Variants in GAS7 observed in about 807,000 individuals in gnomAD.
GAS7 encodes the protein growth arrest-specific protein 7.
In GAS7, 28 loss-of-function variants were observed where a neutral mutation model predicts 71.1. The ratio of observed to expected loss-of-function variants is 0.39; its 90% CI spans 0.29 to 0.54. The LOEUF (loss-of-function observed/expected upper bound fraction) is 0.54. Among genes scored for constraint, GAS7 ranks in the 20% least tolerant of loss-of-function variants. The probability of loss-of-function intolerance (pLI) is 0.62; values close to 1 mark genes in which losing one functional copy is unlikely to be tolerated. For synonymous variants in GAS7, 258 were observed against 245.8 expected (o/e 1.05, Z -0.46); for missense variants, 436 against 627.8 (o/e 0.69, Z 3.27).
intron 5 of GAS7, among the ~76,000 whole-genome samples, chr17:9,957,566 C>T (rs1178179884): frequency 1.3e-5 from 2 of 152,132 alleles, no homozygotes; most frequent in Non-Finnish European, 2.9e-5. Flanking sequence ...ATATGTCTCC[C>T]ACTCCGACCT....
intron 2 of GAS7, among the ~76,000 whole-genome samples, chr17:10,011,228 TTGG>T (rs2071759417): frequency 6.6e-6 from 1 of 152,204 alleles, no homozygotes; most frequent in African/African-American, 2.4e-5. Context: ...TCTGTTTTGC[TTGG>T]TACCTCACTC....
At chr17:10,133,832 T>G (rs2074017944) in intron 1 of GAS7, among the ~76,000 whole-genome samples, 1 of 152,106 alleles carries the variant, frequency 6.6e-6, no homozygotes, top group Non-Finnish European at 1.5e-5. Context: ...TCACTTTGCA[T>G]AATGTCCTCT....
intron 1 of GAS7, among the ~76,000 whole-genome samples, chr17:10,104,266 C>A (rs2073736933): frequency 6.6e-6 from 1 of 152,180 alleles, no homozygotes; most frequent in South Asian, 2.1e-4. Flanking sequence ...GTTGGCCAGC[C>A]AGCAACATTC....
chr17:10,021,588 G>A (rs74369715), intron 1 of GAS7, among the ~76,000 whole-genome samples: 1,757 of 152,284 alleles, frequency 0.012, 14 homozygotes, highest in Non-Finnish European at 0.017. Flanking sequence ...TGCAGTGCCC[G>A]TTTGATTCCG....
At chr17:10,083,485 C>T (rs2073479920) in intron 1 of GAS7, among the ~76,000 whole-genome samples, 1 of 152,228 alleles carries the variant, frequency 6.6e-6, no homozygotes, top group South Asian at 2.1e-4. Flanking sequence ...TGCCAGAGGC[C>T]TTGCCCAGGG....
rs559931071 is a variant in GAS7, at chr17:10,117,592, T to C, written c.183+80616A>G. On this transcript the variant is annotated intron_variant, in intron 1 of 13. Coordinates refer to ENST00000432992, the MANE Select transcript of GAS7 (RefSeq NM_201433.2). Reference sequence around the variant, plus strand: ...GCAGGTGCTGAGGTCAGGACAGCAATGGGGACCCAATTATGTAGCACCTCA... The same window carrying C: ...GCAGGTGCTGAGGTCAGGACAGCAACGGGGACCCAATTATGTAGCACCTCA... 2.0e-5 allele frequency among the ~76,000 whole-genome samples: 3 copies of C among 152,178 alleles called. 1 individual carries two copies. Among genetic ancestry groups the C allele is most frequent in the Admixed American group, 1.3e-4 (2 of 15,282 alleles).
chr17:9,931,430 G>A (rs1286016848), intron 9 of GAS7, among the ~76,000 whole-genome samples: 1 of 152,068 alleles, frequency 6.6e-6, no homozygotes, highest in African/African-American at 2.4e-5. Flanking sequence ...GGACCCAGCA[G>A]GTGACCTTTC....
intron 1 of GAS7, among the ~76,000 whole-genome samples, chr17:10,069,664 A>AC (rs144877798): frequency 1.0e-3 from 159 of 152,312 alleles, no homozygotes; most frequent in African/African-American, 3.7e-3. Flanking sequence ...TGAACCTCCC[A>AC]CACCCAGTAT....
At chr17:10,015,159 A>AAAAG (rs2071942929) in intron 2 of GAS7, among the ~76,000 whole-genome samples, 1 of 146,886 alleles carries the variant, frequency 6.8e-6, no homozygotes, top group East Asian at 1.9e-4. Flanking sequence ...GTCTCAAAAA[A>AAAAG]AAAAGAAAAG....
intron 11 of GAS7, among the ~76,000 whole-genome samples, chr17:9,922,196 A>T (rs11871850): frequency 1.0e-4 from 10 of 100,284 alleles, no homozygotes; most frequent in South Asian, 7.5e-4. Flanking sequence ...GTGGTGATGA[A>T]GATGATGATG....
intron 2 of GAS7, among the ~76,000 whole-genome samples, chr17:10,011,572 CT>C (rs769761598): frequency 7.1e-4 from 108 of 152,286 alleles, no homozygotes; most frequent in Non-Finnish European, 1.3e-3. Flanking sequence ...TTTGGCTTTC[CT>C]TCCCTTGCAT....
At chr17:9,940,826 G>A (rs2068576965) in intron 7 of GAS7, among the ~76,000 whole-genome samples, 1 of 152,232 alleles carries the variant, frequency 6.6e-6, no homozygotes. Flanking sequence ...CATTTGCAAG[G>A]CAACTCCCCA....
chr17:9,942,733 C>T (rs756730596), intron 7 of GAS7, among the ~76,000 whole-genome samples: 7 of 152,052 alleles, frequency 4.6e-5, no homozygotes, highest in Non-Finnish European at 1.0e-4. Flanking sequence ...GAAGACAGTA[C>T]GGAATGGTGG....
chr17:10,141,229 C>T (rs1012771994), intron 1 of GAS7, among the ~76,000 whole-genome samples: 1 of 152,174 alleles, frequency 6.6e-6, no homozygotes, highest in Non-Finnish European at 1.5e-5. Flanking sequence ...GCAGGAGGGT[C>T]ACGAGGTCAG....
chr17:10,104,005 A>C (rs2073733817), intron 1 of GAS7, among the ~76,000 whole-genome samples: 1 of 152,198 alleles, frequency 6.6e-6, no homozygotes, highest in South Asian at 2.1e-4. Context: ...ACCGATCAGC[A>C]CATAATACCT....
chr17:10,004,740 G>A (rs1036151842), intron 2 of GAS7, among the ~76,000 whole-genome samples: 1 of 152,116 alleles, frequency 6.6e-6, no homozygotes, highest in Admixed American at 6.5e-5. Context: ...GGCTGGGCAC[G>A]GTGGCTCGTG....
At chr17:10,142,516 G>A (rs529217559) in intron 1 of GAS7, among the ~76,000 whole-genome samples, 4 of 152,100 alleles carry the variant, frequency 2.6e-5, no homozygotes, top group South Asian at 2.1e-4. Flanking sequence ...CTACAGGAGC[G>A]CACCACCACT....
At chr17:10,073,967 C>G (rs1429016400) in intron 1 of GAS7, among the ~76,000 whole-genome samples, 2 of 152,208 alleles carry the variant, frequency 1.3e-5, no homozygotes, top group African/African-American at 4.8e-5. Context: ...TTCATGCTTA[C>G]TCAAACATTT....
chr17:10,132,924 C>A (rs1175445739), intron 1 of GAS7, among the ~76,000 whole-genome samples: 2 of 151,976 alleles, frequency 1.3e-5, no homozygotes, highest in Admixed American at 6.6e-5. Context: ...TCCACCCCAA[C>A]ATCCCTTTCC....
Sources: gnomAD v4.1 joint callset for allele counts (sites outside exome capture counted in the v4.1 genomes callset) on GRCh38, gnomAD v4.1.1 for gene constraint, MANE v1.5 for transcripts, NCBI Gene and HGNC (gene_info 2026-07-23, HGNC 2026-07-21) for gene names.